Variants in COL23A1 observed in about 807,000 individuals in gnomAD.
COL23A1 encodes the protein collagen alpha-1(XXIII) chain.
A neutral mutation model predicts 99.3 loss-of-function variants in COL23A1; 97 were observed. The observed-to-expected ratio is 0.98, with a 90% CI of 0.83 to 1.16. The LOEUF is 1.16. COL23A1 is among the 50% of genes most tolerant of loss of function. The probability of loss-of-function intolerance (pLI) is 0.00; values close to 1 mark genes in which losing one functional copy is unlikely to be tolerated. For synonymous variants in COL23A1, 320 were observed against 308.2 expected, an observed-to-expected ratio of 1.04 and a Z score of -0.40; for missense variants, 762 against 757.4, an observed-to-expected ratio of 1.01 and a Z score of -0.07.
chr5:178,357,554 G>A (rs796857842), intron 2 of COL23A1, among the ~76,000 whole-genome samples: 1 of 152,250 alleles, frequency 6.6e-6, no homozygotes, highest in Admixed American at 6.5e-5. Context: ...TGCTCTGAAT[G>A]ATACCAAGAG....
intron 2 of COL23A1, among the ~76,000 whole-genome samples, chr5:178,518,045 C>T (rs1371096043): frequency 1.2e-4 from 15 of 128,280 alleles, no homozygotes; most frequent in Non-Finnish European, 2.2e-4. Flanking sequence ...ACCCTGCGGC[C>T]TTCCGCAGTG....
At chr5:178,497,554 C>T (rs755737647) in intron 2 of COL23A1, among the ~76,000 whole-genome samples, 14 of 152,324 alleles carry the variant, frequency 9.2e-5, no homozygotes, top group Non-Finnish European at 1.6e-4. Flanking sequence ...AAAGATGTCT[C>T]TCCTCCATAC....
At chr5:178,381,076 G>A (rs976240050) in intron 2 of COL23A1, among the ~76,000 whole-genome samples, 1 of 152,224 alleles carries the variant, frequency 6.6e-6, no homozygotes, top group Non-Finnish European at 1.5e-5. Context: ...TGGCCTACCT[G>A]GGCCTAGAGG....
intron 14 of COL23A1, 51 bp from the exon 15 acceptor site, chr5:178,256,448 C>G (rs1215353527): frequency 6.4e-7 from 1 of 1,556,620 alleles, no homozygotes; most frequent in African/African-American, 1.4e-5. Flanking sequence ...AGCCAAAACA[C>G]ACCTCCCACG....
At chr5:178,574,445 A>T in intron 1 of COL23A1, among the ~76,000 whole-genome samples, 1 of 152,184 alleles carries the variant, frequency 6.6e-6, no homozygotes, top group East Asian at 1.9e-4. Context: ...CAGGATGTGG[A>T]GGGAAATTCT....
intron 2 of COL23A1, among the ~76,000 whole-genome samples, chr5:178,406,380 T>C (rs1000831411): frequency 7.2e-5 from 11 of 152,048 alleles, no homozygotes; most frequent in African/African-American, 2.7e-4. Flanking sequence ...TCATGTTCCT[T>C]ATATTAATCT....
chr5:178,544,757 T>C lies in COL23A1; in HGVS notation c.361+15925A>G, dbSNP rs1408665941. The stretch of plus-strand genomic sequence containing the variant: ...GCCTCCAGGTCACCTGCTGCCCCCG[T>C]GCCACTGGGGTAGTACGTTCGGGCC... On this transcript the variant is annotated intron_variant, in intron 2 of 28. Transcript: ENST00000390654. This position sits in a 1 kb window ranked among gnomAD's most constrained non-coding sequence, Gnocchi z 4.4. Among the ~76,000 whole-genome samples, 2 of 152,116 alleles carry C rather than the reference T, an allele frequency of 1.3e-5. No individual in the cohort carries two copies. Among genetic ancestry groups the C allele is most frequent in the Non-Finnish European group, 1.5e-5 (1 of 68,008 alleles).
rs1756039572 is a variant in COL23A1, at chr5:178,268,580, CA to C, written c.495+149del. 4.9e-6 allele frequency: 3 copies of C among 612,076 alleles called. No homozygotes were observed. In the South Asian group the frequency reaches 9.9e-5, roughly 20 times the overall value. 37.9% of individuals were successfully genotyped at this position (612,076 alleles called of 1,614,324 possible). On this transcript the variant is annotated intron_variant, in intron 7 of 28. Transcript: ENST00000390654. ...CCTTGTAATCATTTTAGAAGGTAGG[CA>C]CTGTGATTCCCACTCTACAGATGGG...
intron 2 of COL23A1, among the ~76,000 whole-genome samples, chr5:178,443,786 T>C (rs1032124957): frequency 3.9e-5 from 6 of 152,216 alleles, no homozygotes; most frequent in African/African-American, 9.6e-5. Flanking sequence ...GCATTTTTTT[T>C]TTATTAGTTA....
At chr5:178,245,256 ATCT>A (rs1291716048) in intron 25 of COL23A1, among the ~76,000 whole-genome samples, 1 of 139,908 alleles carries the variant, frequency 7.1e-6, no homozygotes, top group Non-Finnish European at 1.5e-5. Context: ...TCCACTCATC[ATCT>A]ATCATCCATC....
intron 7 of COL23A1, 48 bp from the exon 8 acceptor site, chr5:178,267,381 C>T: frequency 6.2e-7 from 1 of 1,600,716 alleles, no homozygotes; most frequent in Non-Finnish European, 8.5e-7. Flanking sequence ...TTCATCGTTT[C>T]TTCACATTTC....
chr5:178,365,544 T>C lies in COL23A1; in HGVS notation c.362-58625A>G. ...CAAGCACAAGCCTCCTTGGCAGGGA[T>C]GAGGGGTCCTCAGGTCTGGCTGGGC... is the stretch of plus-strand genomic sequence containing the variant. On this transcript the variant is annotated intron_variant, in intron 2 of 28. Coordinates refer to ENST00000390654, the MANE Select transcript of COL23A1 (RefSeq NM_173465.4). This position sits in a 1 kb window ranked among gnomAD's most constrained non-coding sequence, Gnocchi z 5.2. Among the ~76,000 whole-genome samples, 1 of 152,174 alleles carries C rather than the reference T, an allele frequency of 6.6e-6. No individual in the cohort carries two copies. Among genetic ancestry groups the C allele is most frequent in the East Asian group, 1.9e-4 (1 of 5,180 alleles).
rs377169695 is a variant in COL23A1 at position 178,365,136 on chromosome 5, C to CGTGCGTGTGTGTGTGTGT, written c.362-58218_362-58217insACACACACACACACGCAC. ...GGGCTTTATGATGTTGCTGTGTGTG[C>CGTGCGTGTGTGTGTGTGT]GTGTGTGTGTGTGTGTGTGTGTGTG... On this transcript the variant is annotated intron_variant, in intron 2 of 28. Coordinates refer to ENST00000390654, the MANE Select transcript of COL23A1 (RefSeq NM_173465.4). This position sits in a 1 kb window ranked among gnomAD's most constrained non-coding sequence, Gnocchi z 5.2. Among the ~76,000 whole-genome samples the CGTGCGTGTGTGTGTGTGT allele has an allele frequency of 6.8e-6, 1 of 147,806 alleles. No individual in the cohort carries two copies. The highest frequency in any genetic ancestry group is 6.8e-5 in the Admixed American group (1 of 14,810).
intron 5 of COL23A1, among the ~76,000 whole-genome samples, chr5:178,272,296 C>T (rs1467119137): frequency 1.3e-5 from 2 of 152,256 alleles, no homozygotes; most frequent in Admixed American, 6.5e-5. Context: ...TTCCCTGGCT[C>T]AACCTCCAGA....
intron 2 of COL23A1, among the ~76,000 whole-genome samples, chr5:178,467,622 T>G (rs1756491092): frequency 6.6e-6 from 1 of 152,164 alleles, no homozygotes; most frequent in Non-Finnish European, 1.5e-5. Flanking sequence ...CTCTCAAGCT[T>G]GCAGCTGTGT....
chr5:178,249,011 G>A, intron 19 of COL23A1, 106 bp downstream of exon 19: 1 of 1,119,126 alleles, frequency 8.9e-7, no homozygotes, highest in Non-Finnish European at 1.3e-6. Context: ...GAGACCGCAG[G>A]GGCTGTCAGG....
intron 2 of COL23A1, among the ~76,000 whole-genome samples, chr5:178,518,896 T>TGCCC (rs1447465209): frequency 6.7e-6 from 1 of 148,882 alleles, no homozygotes; most frequent in Non-Finnish European, 1.5e-5. Context: ...ACAGCTCCGC[T>TGCCC]GCCCGCTGAA....
intron 2 of COL23A1, among the ~76,000 whole-genome samples, chr5:178,557,409 C>T (rs925063055): frequency 6.6e-5 from 10 of 152,212 alleles, no homozygotes; most frequent in Admixed American, 5.9e-4. Context: ...ACCCACTACA[C>T]TATTTTATTG....
Position 178,563,824 on chromosome 5 carries a change from G to T in COL23A1, c.295-3076C>A, listed in dbSNP as rs149196319. 1.8e-3 allele frequency among the ~76,000 whole-genome samples: 279 copies of T among 152,090 alleles called. 2 individuals are homozygous for T. The highest frequency in any genetic ancestry group is 6.1e-3 in the African/African-American group (255 of 41,476). ...GGGATTACAGACGTTGAGTCACCGC[G>T]CCCAGCCAGAACTCACGCTTTTCCC... On this transcript the variant is annotated intron_variant, in intron 1 of 28. Coordinates refer to ENST00000390654, the MANE Select transcript of COL23A1 (RefSeq NM_173465.4).
Sources: allele counts gnomAD v4.1 joint callset (sites outside exome capture counted in the v4.1 genomes callset), GRCh38; gene constraint gnomAD v4.1.1; non-coding constraint Gnocchi (gnomAD v3.1); transcripts MANE v1.5; gene names NCBI Gene and HGNC (gene_info 2026-07-23, HGNC 2026-07-21).